PPP6R2: variants seen among roughly 807,000 people sequenced by gnomAD.
PPP6R2 encodes the protein protein phosphatase 6 regulatory subunit 2.
A neutral mutation model predicts 100.2 loss-of-function variants in PPP6R2; 62 were observed. The ratio of observed to expected loss-of-function variants is 0.62; its 90% CI spans 0.50 to 0.76. The LOEUF (loss-of-function observed/expected upper bound fraction) is 0.76, where lower values mean the gene tolerates loss of function less well. PPP6R2 is among the 30% of genes least tolerant of loss of function. The pLI is 0.00. For missense variants in PPP6R2, 1,142 were observed against 1,276.3 expected (o/e 0.89, Z 1.60); for synonymous variants, 525 against 514.7 (o/e 1.02, Z -0.27).
chr22:50,411,030 A>T (rs2059678020), intron 4 of PPP6R2, among the ~76,000 whole-genome samples: 2 of 152,162 alleles, frequency 1.3e-5, no homozygotes, highest in South Asian at 2.1e-4. Context: ...ACCTCAGGTG[A>T]TCCACCGGCC....
At chr22:50,357,740 C>T (rs1478467816) in intron 1 of PPP6R2, among the ~76,000 whole-genome samples, 5 of 151,930 alleles carry the variant, frequency 3.3e-5, no homozygotes, top group African/African-American at 4.8e-5. Flanking sequence ...TCTCCTGCCT[C>T]GGCCTCCCGA....
intron 1 of PPP6R2, among the ~76,000 whole-genome samples, chr22:50,354,230 A>C (rs904404765): frequency 1.3e-5 from 2 of 152,042 alleles, no homozygotes; most frequent in African/African-American, 4.8e-5. Context: ...ACTTGAACCC[A>C]GAAGGTGGAG....
chr22:50,396,207 A>AAG (rs1179099634), intron 3 of PPP6R2, among the ~76,000 whole-genome samples: 37 of 147,290 alleles, frequency 2.5e-4, no homozygotes, highest in African/African-American at 9.0e-4. Flanking sequence ...AAAAAAAAAA[A>AAG]AAAAAAAAGC....
At chr22:50,404,838 C>T (rs1044130465) in intron 3 of PPP6R2, among the ~76,000 whole-genome samples, 6 of 152,150 alleles carry the variant, frequency 3.9e-5, no homozygotes, top group African/African-American at 1.4e-4. Context: ...CTACAGGACG[C>T]TCCCACTGGG....
In PPP6R2 at chr22:50,414,609, G is replaced by A. The variant is rs756503205; in HGVS notation, c.472G>A (p.Gly158Ser). The A allele has an allele frequency of 8.7e-6, 14 of 1,613,808 alleles. No individual in the cohort carries two copies. The highest frequency in any genetic ancestry group is 2.7e-5 in the African/African-American group (2 of 74,892). ...KFISLVLKHI[G>S]TSALMDLLLR... ...CATCAGCCTGGTGTTGAAGCACATC[G>A]GCACCTCAGCGCTTATGGACCTGCT... The change falls in exon 5 of 24, where the codon GGC becomes AGC. Residue 158 changes from glycine to serine, a missense_variant. Gly to Ser is a moderately conservative substitution (Grantham distance 56). This residue lies in a region of PPP6R2 where 592 missense variants were observed against 758.9 expected (regional missense o/e 0.78). Transcript: ENST00000612753.
chr22:50,441,185 G>A, intron 22 of PPP6R2, 159 bp downstream of exon 22: 1 of 688,574 alleles, frequency 1.5e-6, no homozygotes, highest in Non-Finnish European at 2.4e-6. Context: ...GAGGCTGGCT[G>A]AGGCGGCGGT....
intron 4 of PPP6R2, 86 bp downstream of exon 4, chr22:50,406,961 C>T (rs558201880): frequency 4.5e-6 from 6 of 1,343,226 alleles, no homozygotes; most frequent in African/African-American, 1.4e-5. Context: ...CGGTGCGACT[C>T]ATCCTCCGGC....
At chr22:50,388,503 C>A (rs1470995191) in intron 2 of PPP6R2, among the ~76,000 whole-genome samples, 1 of 151,970 alleles carries the variant, frequency 6.6e-6, no homozygotes, top group Non-Finnish European at 1.5e-5. Context: ...GAGTTCAAGA[C>A]TGCAGTGGCT....
At chr22:50,437,710 C>T in intron 16 of PPP6R2, 107 bp downstream of exon 16, 1 of 1,400,816 alleles carries the variant, frequency 7.1e-7, no homozygotes, top group Non-Finnish European at 1.0e-6. Flanking sequence ...TCTGATGTCC[C>T]CGGGAGACAG....
chr22:50,352,332 T>C (rs1240396994), intron 1 of PPP6R2, among the ~76,000 whole-genome samples: 2 of 152,238 alleles, frequency 1.3e-5, no homozygotes, highest in Non-Finnish European at 2.9e-5. Flanking sequence ...CAGTTTTTCT[T>C]CTGCAGCTTC....
At chr22:50,421,167 T>C (rs771101370) in intron 8 of PPP6R2, among the ~76,000 whole-genome samples, 1 of 152,222 alleles carries the variant, frequency 6.6e-6, no homozygotes, top group African/African-American at 2.4e-5. Flanking sequence ...AGTAGTGTTA[T>C]AATGTTACCG....
At chr22:50,432,143 A>G (rs1281004641) in intron 11 of PPP6R2, 122 bp from the exon 12 acceptor site, 1 of 858,976 alleles carries the variant, frequency 1.2e-6, no homozygotes, top group Admixed American at 2.3e-5. Flanking sequence ...CGCAGCAGTC[A>G]GGGCCTGCAA....
chr22:50,436,343 C>T (rs2064261801), intron 13 of PPP6R2, 24 bp from the exon 14 acceptor site: 1 of 1,556,094 alleles, frequency 6.4e-7, no homozygotes, highest in East Asian at 2.4e-5. Flanking sequence ...TCCCAGGGCT[C>T]ACCAGGCAGC....
intron 2 of PPP6R2, 71 bp downstream of exon 2, chr22:50,372,221 G>A (rs1468537408): frequency 2.6e-5 from 4 of 152,118 alleles, no homozygotes; most frequent in Middle Eastern, 3.2e-3. Context: ...TGTACAGGTG[G>A]AAGTTCAAAG....
At position 50,440,987 on chromosome 22, in the gene PPP6R2, C is replaced by A. The variant is rs759377991; in HGVS notation, c.2540C>A (p.Pro847Gln). ...AGGGGTCCCGGCCGGGAGGCCCCCCCGCTGCCCACAGTGGCCAGGACAGAG... is the reference window on the plus strand; with the variant it reads ...AGGGGTCCCGGCCGGGAGGCCCCCCAGCTGCCCACAGTGGCCAGGACAGAG... ...VSRGPGREAP[P>Q]LPTVARTEEA... The change falls in exon 22 of 24, where the codon CCG becomes CAG. Residue 847 changes from proline to glutamine, a missense_variant. Transcript: ENST00000612753. 29 of 1,609,898 alleles carry A rather than the reference C, an allele frequency of 1.8e-5. No individual in the cohort carries two copies. Among genetic ancestry groups the A allele is most frequent in the East Asian group, 2.2e-5 (1 of 44,764 alleles).
At chr22:50,337,543 TGTGTG>T in the PPP6R2 span, among the ~76,000 whole-genome samples, 6 of 134,048 alleles carry the variant, frequency 4.5e-5, no homozygotes, top group Admixed American at 7.6e-5. Flanking sequence ...GTGTGTGCGA[TGTGTG>T]GTGTGTGTGG....
intron 1 of PPP6R2, among the ~76,000 whole-genome samples, chr22:50,358,221 G>A (rs939440595): frequency 6.6e-6 from 1 of 152,116 alleles, no homozygotes; most frequent in African/African-American, 2.4e-5. Context: ...CTCCTGAGTC[G>A]CTCAGATTAC....
rs575525186 is a variant in PPP6R2 at position 50,357,064 on chromosome 22, C to T, written c.-148+13514C>T. Among the ~76,000 whole-genome samples the T allele has an allele frequency of 3.3e-5, 5 of 152,242 alleles. No homozygotes were observed. In the South Asian group the frequency reaches 6.2e-4, roughly 19 times the overall value. On this transcript the variant is annotated intron_variant, in intron 1 of 23. Coordinates refer to ENST00000612753, the MANE Select transcript of PPP6R2 (RefSeq NM_001242898.2). ...CAGCACTTAGCCTTTTTACTTTTAGCCATTCAGGCGGTAGTGGTATCTTAC... is the reference window on the plus strand; with the variant it reads ...CAGCACTTAGCCTTTTTACTTTTAGTCATTCAGGCGGTAGTGGTATCTTAC...
chr22:50,412,041 T>C (rs537166879), intron 4 of PPP6R2, among the ~76,000 whole-genome samples: 1 of 152,088 alleles, frequency 6.6e-6, no homozygotes, highest in Admixed American at 6.6e-5. Context: ...AGACTGCATC[T>C]CAAAAAAACA....
Sources: gnomAD v4.1 joint callset for allele counts (sites outside exome capture counted in the v4.1 genomes callset) on GRCh38, gnomAD v4.1.1 for gene constraint, gnomAD v4.1.1 regional missense constraint, MANE v1.5 for transcripts, NCBI Gene and HGNC (gene_info 2026-07-23, HGNC 2026-07-21) for gene names.